SPAG16: variants seen among roughly 807,000 people sequenced by gnomAD.
SPAG16 encodes the protein sperm-associated antigen 16 protein.
A neutral mutation model predicts 80.4 loss-of-function variants in SPAG16; 86 were observed. The observed-to-expected ratio is 1.07, with a 90% CI of 0.90 to 1.28. The LOEUF (loss-of-function observed/expected upper bound fraction) is 1.28, where lower values mean the gene tolerates loss of function less well. Ranked by LOEUF, SPAG16 falls within the 50% of genes most tolerant of loss-of-function variation. SPAG16 has a pLI of 0.00. For missense variants in SPAG16, 870 were observed against 765.3 expected (o/e 1.14, Z -1.61); for synonymous variants, 294 against 265.9 (o/e 1.11, Z -1.03).
chr2:213,717,746 G>A (rs1198458666), intron 10 of SPAG16, among the ~76,000 whole-genome samples: 1 of 151,898 alleles, frequency 6.6e-6, no homozygotes, highest in Non-Finnish European at 1.5e-5. Flanking sequence ...TAAAATATAG[G>A]AAAATAAATA....
At chr2:214,192,873 T>C (rs1460269240) in intron 15 of SPAG16, among the ~76,000 whole-genome samples, 1 of 152,082 alleles carries the variant, frequency 6.6e-6, no homozygotes, top group African/African-American at 2.4e-5. Flanking sequence ...CAAGTTCCCC[T>C]AGAACAGCTT....
chr2:214,066,977 C>G (rs1353898581), intron 13 of SPAG16, among the ~76,000 whole-genome samples: 2 of 152,148 alleles, frequency 1.3e-5, no homozygotes, highest in African/African-American at 4.8e-5. Flanking sequence ...TTGTCCTTCA[C>G]CCAGTATGCT....
chr2:214,163,582 A>G (rs936132787), intron 15 of SPAG16, among the ~76,000 whole-genome samples: 13 of 116,742 alleles, frequency 1.1e-4, no homozygotes, highest in Non-Finnish European at 1.9e-4. Context: ...GTGTGTATAT[A>G]TATATACACA....
At chr2:214,082,146 G>C (rs942265380) in intron 13 of SPAG16, among the ~76,000 whole-genome samples, 1 of 152,094 alleles carries the variant, frequency 6.6e-6, no homozygotes, top group Non-Finnish European at 1.5e-5. Context: ...ATGTCCTGCA[G>C]CTGGATCGAG....
chr2:213,906,910 A>G (rs1475165225), intron 11 of SPAG16, among the ~76,000 whole-genome samples: 1 of 152,150 alleles, frequency 6.6e-6, no homozygotes, highest in Non-Finnish European at 1.5e-5. Flanking sequence ...TAAAACTACT[A>G]GAAGAAACAT....
chr2:213,482,722 A>G (rs993524931), intron 9 of SPAG16, among the ~76,000 whole-genome samples: 1 of 152,160 alleles, frequency 6.6e-6, no homozygotes, highest in Non-Finnish European at 1.5e-5. Context: ...GATGAGAAAA[A>G]GGCTTTGTGA....
chr2:213,814,607 T>C lies in SPAG16; in HGVS notation c.1071-47878T>C, dbSNP rs188175845. Among the ~76,000 whole-genome samples, 417 of 152,204 alleles carry C rather than the reference T, an allele frequency of 2.7e-3. 2 individuals are homozygous for C. The highest frequency in any genetic ancestry group is 0.01 in the Middle Eastern group (3 of 294). ...GAGTTTGAGAACAGCCTGGCCAACA[T>C]AGTAAAACCCTGCCTCTACTAAAAA... On this transcript the variant is annotated intron_variant, in intron 10 of 15. Transcript: ENST00000331683.
chr2:214,016,676 T>A (rs185720211), intron 13 of SPAG16, among the ~76,000 whole-genome samples: 1 of 152,260 alleles, frequency 6.6e-6, no homozygotes, highest in African/African-American at 2.4e-5. Flanking sequence ...AATGAAAATG[T>A]AGGAAAGAGA....
intron 10 of SPAG16, among the ~76,000 whole-genome samples, chr2:213,674,655 A>G (rs961044537): frequency 1.3e-5 from 2 of 149,262 alleles, no homozygotes; most frequent in Non-Finnish European, 2.9e-5. Flanking sequence ...TGTCCTTGCG[A>G]TAGTTTACTG....
chr2:213,890,854 A>T (rs967987876), intron 11 of SPAG16, among the ~76,000 whole-genome samples: 1 of 151,986 alleles, frequency 6.6e-6, no homozygotes, highest in Non-Finnish European at 1.5e-5. Flanking sequence ...AAAGTTTGGC[A>T]TTTGATGTAG....
At chr2:213,413,104 TACTATAAATGAG>T (rs1435747142) in intron 9 of SPAG16, among the ~76,000 whole-genome samples, 1 of 152,266 alleles carries the variant, frequency 6.6e-6, no homozygotes, top group South Asian at 2.1e-4. Context: ...CTATAAATGA[TACTATAAATGAG>T]ACTATAAATG....
intron 10 of SPAG16, among the ~76,000 whole-genome samples, chr2:213,751,740 C>T (rs1236756181): frequency 6.6e-6 from 1 of 152,154 alleles, no homozygotes; most frequent in Admixed American, 6.5e-5. Context: ...CAAGAATAAA[C>T]AAGGGTATCT....
At chr2:213,983,926 T>C (rs964224238) in intron 12 of SPAG16, among the ~76,000 whole-genome samples, 2 of 152,072 alleles carry the variant, frequency 1.3e-5, no homozygotes, top group African/African-American at 2.4e-5. Context: ...CAAGTCATTA[T>C]AAATTCCTGC....
At chr2:213,374,496 A>G (rs575670058) in intron 8 of SPAG16, among the ~76,000 whole-genome samples, 1 of 152,236 alleles carries the variant, frequency 6.6e-6, no homozygotes, top group Non-Finnish European at 1.5e-5. Context: ...AAATGATTCC[A>G]TTAAGACTGC....
chr2:214,094,439 T>G (rs1454060483), intron 13 of SPAG16, among the ~76,000 whole-genome samples: 1 of 152,120 alleles, frequency 6.6e-6, no homozygotes, highest in East Asian at 1.9e-4. Flanking sequence ...GTACATAGAT[T>G]CAGAACCTCT....
At chr2:213,437,113 G>A (rs1024000146) in intron 9 of SPAG16, among the ~76,000 whole-genome samples, 1 of 151,980 alleles carries the variant, frequency 6.6e-6, no homozygotes, top group Non-Finnish European at 1.5e-5. Context: ...GGGTTTCACC[G>A]TGGTCTCGAT....
intron 14 of SPAG16, among the ~76,000 whole-genome samples, chr2:214,144,334 G>A (rs529868447): frequency 5.9e-5 from 9 of 152,026 alleles, no homozygotes; most frequent in African/African-American, 9.6e-5. Context: ...AATAAATGAC[G>A]TAACTCCCCA....
intron 15 of SPAG16, among the ~76,000 whole-genome samples, chr2:214,295,015 G>T (rs1163689219): frequency 6.6e-6 from 1 of 152,226 alleles, no homozygotes; most frequent in Non-Finnish European, 1.5e-5. Context: ...TCTAGCCACG[G>T]TCACAGTGCC....
At chr2:214,265,088 C>T (rs867689540) in intron 15 of SPAG16, among the ~76,000 whole-genome samples, 1 of 152,108 alleles carries the variant, frequency 6.6e-6, no homozygotes, top group African/African-American at 2.4e-5. Context: ...TTGCCATAAA[C>T]ATCAAGTTTT....
Sources: gnomAD v4.1 joint callset for allele counts (sites outside exome capture counted in the v4.1 genomes callset) on GRCh38, gnomAD v4.1.1 for gene constraint, MANE v1.5 for transcripts, NCBI Gene and HGNC (gene_info 2026-07-23, HGNC 2026-07-21) for gene names.